Variants in ACTN2 observed in about 807,000 individuals in gnomAD.
ACTN2 encodes actinin alpha 2, also known as alpha-actinin-2.
In ACTN2, 39 loss-of-function variants were observed where a neutral mutation model predicts 113.8. That is an observed-to-expected ratio of 0.34 (90% confidence interval 0.27 to 0.45). ACTN2 has a LOEUF of 0.45. ACTN2 is among the 20% of genes least tolerant of loss of function. The pLI, the probability that ACTN2 is intolerant of heterozygous loss-of-function variation, is 1.00. For missense variants in ACTN2, 992 were observed against 1,177.9 expected, an observed-to-expected ratio of 0.84 and a Z score of 2.31; for synonymous variants, 429 against 444.1, an observed-to-expected ratio of 0.97 and a Z score of 0.43.
chr1:236,752,081 C>T (rs934856212), intron 15 of ACTN2, among the ~76,000 whole-genome samples: 8 of 152,130 alleles, frequency 5.3e-5, no homozygotes, highest in South Asian at 4.1e-4. Flanking sequence ...GCTTAGAAAA[C>T]GACATCTTGG....
At position 236,739,343 on chromosome 1, in the gene ACTN2, C is replaced by T. The variant is rs148646265; in HGVS notation, c.918C>T (p.Asn306=). The change falls in exon 10 of 21, where the codon AAC becomes AAT. Residue 306 remains asparagine, a synonymous_variant. Transcript: ENST00000366578. ...GTCGCACGATCCCCTGGCTGGAGAA[C>T]CGGACTCCCGAGAAGACCATGCAAG... ...WIRRTIPWLE[N]RTPEKTMQAM... 2.7e-4 allele frequency: 430 copies of T among 1,613,960 alleles called. 3 individuals carry two copies. The East Asian group carries it at 9.1e-3, about 34-fold the overall frequency.
Position 236,720,191 on chromosome 1 carries a change from G to A in ACTN2, c.448G>A (p.Glu150Lys). 1.2e-6 allele frequency: 2 copies of A among 1,608,726 alleles called. No homozygotes were observed. Among genetic ancestry groups the A allele is most frequent in the Non-Finnish European group, 1.7e-6 (2 of 1,175,042 alleles). Residue 150 changes from glutamate (E) to lysine (K), a missense_variant and splice_region_variant, in exon 4 of 21, where the codon GAA becomes AAA. This residue lies in a region of ACTN2 where 220 missense variants were observed against 337.5 expected (regional missense o/e 0.65). Coordinates refer to ENST00000366578, the MANE Select transcript of ACTN2 (RefSeq NM_001103.4). ...TGCTATTCAGGATATTTCGGTTGAAGGTAAAAGACATGGTTAAAAGTCTAA... is the reference window on the plus strand; with the variant it reads ...TGCTATTCAGGATATTTCGGTTGAAAGTAAAAGACATGGTTAAAAGTCTAA... ...RFAIQDISVE[E>K]TSAKEGLLLW...
intron 6 of ACTN2, among the ~76,000 whole-genome samples, chr1:236,729,726 C>T (rs1395922846): frequency 6.6e-6 from 1 of 152,020 alleles, no homozygotes; most frequent in Non-Finnish European, 1.5e-5. Flanking sequence ...TTTTCTTATC[C>T]CCTGAATTAC....
intron 18 of ACTN2, among the ~76,000 whole-genome samples, chr1:236,758,446 T>C (rs1459979219): frequency 6.8e-6 from 1 of 147,480 alleles, no homozygotes; most frequent in African/African-American, 2.6e-5. Context: ...CCACCATGCC[T>C]GGCTAATTTT....
chr1:236,744,561 T>C (rs2102929661), intron 11 of ACTN2, 65 bp from the exon 12 acceptor site: 1 of 1,583,646 alleles, frequency 6.3e-7, no homozygotes. Flanking sequence ...CCTGAGAATG[T>C]GGCTGGCATG....
intron 20 of ACTN2, 78 bp downstream of exon 20, chr1:236,761,251 AAT>A: frequency 6.5e-7 from 1 of 1,550,200 alleles, no homozygotes. Flanking sequence ...CAGTGTTGTA[AAT>A]AAAAACCATT....
chr1:236,737,875 T>C (rs1572131437), intron 9 of ACTN2, among the ~76,000 whole-genome samples: 1 of 152,344 alleles, frequency 6.6e-6, no homozygotes, highest in Admixed American at 6.5e-5. Flanking sequence ...CCTCGCTGCA[T>C]CTGCACTGTT....
At chr1:236,711,811 G>C (rs775218314) in intron 1 of ACTN2, among the ~76,000 whole-genome samples, 1 of 152,198 alleles carries the variant, frequency 6.6e-6, no homozygotes, top group Non-Finnish European at 1.5e-5. Context: ...AGAATAAGCT[G>C]TTATTCAGGA....
intron 1 of ACTN2, among the ~76,000 whole-genome samples, chr1:236,688,835 G>C (rs79277266): frequency 6.6e-6 from 1 of 152,068 alleles, no homozygotes. Flanking sequence ...TGCTGGAACC[G>C]GACAAGGGTA....
intron 10 of ACTN2, among the ~76,000 whole-genome samples, chr1:236,741,679 C>T (rs1159565960): frequency 6.6e-6 from 1 of 152,210 alleles, no homozygotes; most frequent in Non-Finnish European, 1.5e-5. Flanking sequence ...TCCACGGCCA[C>T]TGGCCTATCC....
At chr1:236,721,217 G>A (rs188788171) in intron 4 of ACTN2, among the ~76,000 whole-genome samples, 13 of 151,232 alleles carry the variant, frequency 8.6e-5, no homozygotes, top group African/African-American at 2.9e-4. Flanking sequence ...TAGTAGAGAC[G>A]GGGTTTCACT....
intron 4 of ACTN2, among the ~76,000 whole-genome samples, chr1:236,723,421 C>T (rs1260870821): frequency 1.3e-5 from 2 of 152,014 alleles, no homozygotes; most frequent in Non-Finnish European, 2.9e-5. Flanking sequence ...GTTATGGGTC[C>T]AAGAAAGTAT....
At chr1:236,723,726 G>T (rs1169522495) in intron 4 of ACTN2, among the ~76,000 whole-genome samples, 3 of 151,952 alleles carry the variant, frequency 2.0e-5, no homozygotes, top group Middle Eastern at 3.2e-3. Context: ...CAAAGTGCTG[G>T]GATTACAGGT....
At chr1:236,701,161 A>G (rs1410397597) in intron 1 of ACTN2, among the ~76,000 whole-genome samples, 2 of 152,312 alleles carry the variant, frequency 1.3e-5, no homozygotes, top group East Asian at 1.9e-4. Context: ...GAAGTGGCCC[A>G]GTTTAGACTA....
intron 1 of ACTN2, among the ~76,000 whole-genome samples, chr1:236,708,727 G>A (rs1481097286): frequency 3.9e-5 from 6 of 152,158 alleles, no homozygotes; most frequent in Non-Finnish European, 5.9e-5. Flanking sequence ...GGATTGAGAC[G>A]CTCTGTAGTG....
At chr1:236,688,763 A>T (rs1333450557) in intron 1 of ACTN2, among the ~76,000 whole-genome samples, 1 of 152,200 alleles carries the variant, frequency 6.6e-6, no homozygotes, top group Non-Finnish European at 1.5e-5. Flanking sequence ...GTAAAATAAT[A>T]TTGAACTGTG....
chr1:236,760,994 T>G (rs1659687338), intron 19 of ACTN2, 21 bp from the exon 20 acceptor site: 1 of 1,614,106 alleles, frequency 6.2e-7, no homozygotes, highest in African/African-American at 1.3e-5. Context: ...GTGTACATGT[T>G]TCTTTGCCAC....
intron 12 of ACTN2, 67 bp downstream of exon 12, chr1:236,744,843 C>T: frequency 2.5e-6 from 4 of 1,606,374 alleles, no homozygotes; most frequent in Non-Finnish European, 3.4e-6. Flanking sequence ...AGAGAAAGGC[C>T]TGCCTTGCCT....
chr1:236,720,647 T>G (rs1658358257), intron 4 of ACTN2, among the ~76,000 whole-genome samples: 1 of 152,196 alleles, frequency 6.6e-6, no homozygotes, highest in African/African-American at 2.4e-5. Context: ...AAACAAGACC[T>G]CTATTGTCAC....
Sources: gnomAD v4.1 joint callset for allele counts (sites outside exome capture counted in the v4.1 genomes callset) on GRCh38, gnomAD v4.1.1 for gene constraint, gnomAD v4.1.1 regional missense constraint, MANE v1.5 for transcripts, NCBI Gene and HGNC (gene_info 2026-07-23, HGNC 2026-07-21) for gene names.